NIF3L1: variants seen among roughly 807,000 people sequenced by gnomAD.
NIF3L1 encodes NIF3-like protein 1.
In NIF3L1, 26 loss-of-function variants were observed where a neutral mutation model predicts 35.0. That is an observed-to-expected ratio of 0.74 (90% confidence interval 0.54 to 1.03). The LOEUF (loss-of-function observed/expected upper bound fraction) is 1.03, where lower values mean the gene tolerates loss of function less well. Ranked by LOEUF, NIF3L1 falls within the 50% of genes least tolerant of loss-of-function variation. The pLI is 0.00. For synonymous variants in NIF3L1, 157 were observed against 178.9 expected, an observed-to-expected ratio of 0.88 and a Z score of 0.98; for missense variants, 449 against 466.3, an observed-to-expected ratio of 0.96 and a Z score of 0.34.
In NIF3L1 at chr2:200,897,213, A is replaced by C; in HGVS notation, c.864A>C (p.Leu288Phe). The change falls in exon 5 of 7, where the codon TTA becomes TTC. Residue 288 changes from leucine to phenylalanine, a missense_variant and splice_region_variant. Physicochemically the swap from Leu to Phe is conservative, Grantham distance 22. Coordinates refer to ENST00000409020, the MANE Select transcript of NIF3L1 (RefSeq NM_001369441.2). ...TAGCCCTTGGGGTGGGGAGAACCTT[A>C]GGTAAATATAGCTCCTTCATCTATC... ...IRLALGVGRTLESQVKVVALC... is the reference protein window; with the variant it reads ...IRLALGVGRTFESQVKVVALC... 6.2e-7 allele frequency: 1 copy of C among 1,613,688 alleles called. No individual in the cohort carries two copies. The highest frequency in any genetic ancestry group is 8.5e-7 in the Non-Finnish European group (1 of 1,179,848).
At chr2:200,896,320 C>G (rs764857440) in intron 4 of NIF3L1, among the ~76,000 whole-genome samples, 2 of 152,172 alleles carry the variant, frequency 1.3e-5, no homozygotes, top group Non-Finnish European at 1.5e-5. Context: ...ATAGTGTGTT[C>G]TCTCAAGTTT....
chr2:200,895,174 T>C, intron 3 of NIF3L1, 90 bp from the exon 4 acceptor site: 1 of 1,236,834 alleles, frequency 8.1e-7, no homozygotes. Flanking sequence ...CACATAAATC[T>C]AATCTATTAT....
intron 1 of NIF3L1, among the ~76,000 whole-genome samples, chr2:200,891,140 G>A (rs535869173): frequency 1.4e-4 from 22 of 152,144 alleles, no homozygotes; most frequent in African/African-American, 5.1e-4. Flanking sequence ...TGTATTTTTA[G>A]TAGAGACGGT....
intron 2 of NIF3L1, among the ~76,000 whole-genome samples, chr2:200,892,627 CTT>C (rs1481475744): frequency 6.6e-6 from 1 of 152,220 alleles, no homozygotes; most frequent in Non-Finnish European, 1.5e-5. Flanking sequence ...TGATTCCTCA[CTT>C]TTGTGGCACA....
Position 200,895,256 on chromosome 2 carries a change from C to T in NIF3L1, c.600-8C>T, listed in dbSNP as rs1249831646. On this transcript the variant is annotated splice_region_variant and splice_polypyrimidine_tract_variant and intron_variant, in intron 3 of 6. Transcript: ENST00000409020. ...TTTGTCCTAAATGGAGTGATTTTTC[C>T]CCCCTAGGACTGGTAATGAGGAACA... 6.2e-7 allele frequency: 1 copy of T among 1,608,486 alleles called. No individual in the cohort carries two copies. The highest frequency in any genetic ancestry group is 8.5e-7 in the Non-Finnish European group (1 of 1,176,892).
At chr2:200,897,329 A>G in intron 5 of NIF3L1, 115 bp downstream of exon 5, 1 of 1,185,088 alleles carries the variant, frequency 8.4e-7, no homozygotes, top group African/African-American at 1.5e-5. Flanking sequence ...CATAGGAGAT[A>G]ATTGGTTTAC....
At chr2:200,897,674 T>C (rs547166957) in intron 5 of NIF3L1, among the ~76,000 whole-genome samples, 6 of 152,230 alleles carry the variant, frequency 3.9e-5, no homozygotes, top group Non-Finnish European at 7.3e-5. Context: ...ACATAAACTT[T>C]GCACTTATAA....
rs569995233 is a variant in NIF3L1, at chr2:200,893,866, T to C, written c.599+458T>C. ...TGGGAAATATTTTTCTGAATAGTCT[T>C]TTTTTGTTTGTTTTAAGAGACTCCC... On this transcript the variant is annotated intron_variant, in intron 3 of 6. Transcript: ENST00000409020. 4.3e-4 allele frequency among the ~76,000 whole-genome samples: 65 copies of C among 152,308 alleles called. 1 individual carries two copies. Among genetic ancestry groups the C allele is most frequent in the African/African-American group, 1.5e-3 (64 of 41,568 alleles).
chr2:200,889,355 CG>C (rs763147039), upstream of NIF3L1: 16 of 290,874 alleles, frequency 5.5e-5, no homozygotes, highest in Non-Finnish European at 6.9e-5. Context: ...AGCGCCGACG[CG>C]GGACCGGAAG....
intron 5 of NIF3L1, among the ~76,000 whole-genome samples, chr2:200,898,390 C>T (rs960070162): frequency 4.6e-5 from 7 of 152,100 alleles, no homozygotes; most frequent in African/African-American, 9.7e-5. Context: ...CATCAGATCT[C>T]GTGAGACTCA....
chr2:200,893,256 C>A lies in NIF3L1; in HGVS notation c.447C>A (p.Thr149=). 3 of 1,527,646 alleles carry A rather than the reference C, an allele frequency of 2.0e-6. No homozygotes were observed. In the South Asian group the frequency reaches 3.7e-5, roughly 19 times the overall value. 94.6% of individuals were successfully genotyped at this position (1,527,646 alleles called of 1,614,324 possible). Reference sequence around the variant, plus strand: ...CAATATTTTCTCTAGGAGCTTGTACCTCCAGGCCCATACATCCTTCCAAAG... The same window carrying A: ...CAATATTTTCTCTAGGAGCTTGTACATCCAGGCCCATACATCCTTCCAAAG... ...NWLAKGLGAC[T]SRPIHPSKAP... Residue 149 remains threonine, a synonymous_variant, in exon 3 of 7, where the codon ACC becomes ACA. Transcript: ENST00000409020.
intron 6 of NIF3L1, among the ~76,000 whole-genome samples, chr2:200,900,750 A>T (rs1019472248): frequency 2.0e-5 from 3 of 152,200 alleles, no homozygotes; most frequent in African/African-American, 7.2e-5. Flanking sequence ...TTCAATATGA[A>T]TATCTTACAG....
At position 200,903,858 on chromosome 2, in the gene NIF3L1, C is replaced by T. The variant is rs2040453909; in HGVS notation, c.*180C>T. On this transcript the variant is annotated 3_prime_UTR_variant, in exon 7 of 7. Coordinates refer to ENST00000409020, the MANE Select transcript of NIF3L1 (RefSeq NM_001369441.2). ...CTCGTAAGGTAAAACTGTAATATAA[C>T]TACCATATTAAATAACAAATGTTCA... 1 of 609,918 alleles carries T rather than the reference C, an allele frequency of 1.6e-6. No homozygotes were observed. Among genetic ancestry groups the T allele is most frequent in the Non-Finnish European group, 2.9e-6 (1 of 339,408 alleles). The allele number at this position is 609,918 out of a possible 1,614,324, so 37.8% of individuals were successfully genotyped here.
At chr2:200,899,558 C>T (rs889150574) in intron 6 of NIF3L1, 90 bp downstream of exon 6, 2 of 797,894 alleles carry the variant, frequency 2.5e-6, no homozygotes, top group African/African-American at 3.4e-5. Flanking sequence ...TAGATGATAC[C>T]TAATTAATGT....
intron 1 of NIF3L1, among the ~76,000 whole-genome samples, chr2:200,890,954 CT>C (rs58191528): frequency 0.14 from 19,720 of 136,806 alleles, 779 homozygotes; most frequent in Non-Finnish European, 0.16. Flanking sequence ...TTTAAACATT[CT>C]TTTTTTTTTT....
At position 200,893,413 on chromosome 2, in the gene NIF3L1, A is replaced by C. The variant is rs759041195; in HGVS notation, c.599+5A>C. ...TGTCACTTCTTTTTCTGCTAGGTACAATTTATTTTTCTCTTTTTTTTGTGT... is the reference window on the plus strand; with the variant it reads ...TGTCACTTCTTTTTCTGCTAGGTACCATTTATTTTTCTCTTTTTTTTGTGT... On this transcript the variant is annotated splice_donor_5th_base_variant and intron_variant, in intron 3 of 6. Transcript: ENST00000409020. 4 of 1,613,360 alleles carry C rather than the reference A, an allele frequency of 2.5e-6. No individual in the cohort carries two copies. Among genetic ancestry groups the C allele is most frequent in the Non-Finnish European group, 3.4e-6 (4 of 1,179,578 alleles).
In NIF3L1 at chr2:200,892,088, T is replaced by C. The variant is rs757804637; in HGVS notation, c.145T>C (p.Trp49Arg). The C allele has an allele frequency of 1.2e-6, 2 of 1,614,196 alleles. No individual in the cohort carries two copies. The highest frequency in any genetic ancestry group is 3.3e-5 in the Admixed American group (2 of 60,018). Residue 49 changes from tryptophan to arginine, a missense_variant, in exon 2 of 7, where the codon TGG (tryptophan) becomes CGG (arginine). Physicochemically the swap from Trp to Arg is moderately radical, Grantham distance 101. Transcript: ENST00000409020. ...DFASLSFAESWDNVGLLVEPS... is the reference protein window; with the variant it reads ...DFASLSFAESRDNVGLLVEPS... ...TGCATCCCTCTCGTTTGCTGAGAGT[T>C]GGGACAATGTTGGATTACTGGTGGA...
Position 200,900,526 on chromosome 2 carries a change from A to G in NIF3L1, c.949+1058A>G, listed in dbSNP as rs570555621. Among the ~76,000 whole-genome samples, 3 of 152,148 alleles carry G rather than the reference A, an allele frequency of 2.0e-5. No individual in the cohort carries two copies. The South Asian group carries it at 6.2e-4, about 32-fold the overall frequency. On this transcript the variant is annotated intron_variant, in intron 6 of 6. Transcript: ENST00000409020. ...GCCTCCCACACCCACACTTTGTTAT[A>G]TAGCACACTCTCTTACAAAGGCTGC...
rs200375308 is a variant in NIF3L1, at chr2:200,899,402, G to C, written c.883G>C (p.Val295Leu). 6.2e-7 allele frequency: 1 copy of C among 1,613,994 alleles called. No homozygotes were observed. Among genetic ancestry groups the C allele is most frequent in the Non-Finnish European group, 8.5e-7 (1 of 1,179,912 alleles). ...TTTTGAAGAGTCTCAAGTCAAAGTC[G>C]TGGCCCTGTGTGCTGGTTCTGGGAG... ...GRTLESQVKV[V>L]ALCAGSGSSV... is the part of the protein sequence containing the mutation. Residue 295 changes from valine (V) to leucine (L), a missense_variant, in exon 6 of 7, where the codon GTG (valine) becomes CTG (leucine). Coordinates refer to ENST00000409020, the MANE Select transcript of NIF3L1 (RefSeq NM_001369441.2).
Sources: allele counts gnomAD v4.1 joint callset (sites outside exome capture counted in the v4.1 genomes callset), GRCh38; gene constraint gnomAD v4.1.1; transcripts MANE v1.5; gene names NCBI Gene and HGNC (gene_info 2026-07-23, HGNC 2026-07-21).